WASHC2C: variants seen among roughly 807,000 people sequenced by gnomAD.
WASHC2C encodes the protein Vaccinia Penetration Factor.
A neutral mutation model predicts 142.2 loss-of-function variants in WASHC2C; 73 were observed. That is an observed-to-expected ratio of 0.51 (90% confidence interval 0.43 to 0.62). The LOEUF (loss-of-function observed/expected upper bound fraction) is 0.62. Among genes scored for constraint, WASHC2C ranks in the 20% least tolerant of loss-of-function variants. The pLI, the probability that WASHC2C is intolerant of heterozygous loss-of-function variation, is 0.00. For missense variants in WASHC2C, 969 were observed against 1,531.7 expected, an observed-to-expected ratio of 0.63 and a Z score of 6.13; for synonymous variants, 337 against 565.5, an observed-to-expected ratio of 0.60 and a Z score of 5.73.
At chr10:45,749,497 CT>C (rs2053268766) in intron 8 of WASHC2C, among the ~76,000 whole-genome samples, 1 of 151,096 alleles carries the variant, frequency 6.6e-6, no homozygotes, top group Non-Finnish European at 1.5e-5. Flanking sequence ...TAATATTCTG[CT>C]TTTTATATTC....
At chr10:45,734,288 T>A (rs1321808142) in intron 3 of WASHC2C, among the ~76,000 whole-genome samples, 3 of 151,854 alleles carry the variant, frequency 2.0e-5, no homozygotes, top group African/African-American at 7.3e-5. Context: ...TACCCCAAAT[T>A]AACCAACCAT....
chr10:45,747,844 C>T (rs542352556), intron 8 of WASHC2C, among the ~76,000 whole-genome samples: 1 of 150,796 alleles, frequency 6.6e-6, no homozygotes, highest in East Asian at 2.0e-4. Context: ...TTTGCCCTCC[C>T]AGAGTACTGG....
chr10:45,748,388 C>T (rs1446256598), intron 8 of WASHC2C, among the ~76,000 whole-genome samples: 2 of 144,382 alleles, frequency 1.4e-5, no homozygotes, highest in Non-Finnish European at 3.0e-5. Context: ...CTCCTCGGTT[C>T]AAGTGATTCT....
chr10:45,758,862 G>T (rs1554878644), intron 16 of WASHC2C, among the ~76,000 whole-genome samples: 1 of 149,360 alleles, frequency 6.7e-6, no homozygotes, highest in Non-Finnish European at 1.5e-5. Flanking sequence ...CAGTGTGTGT[G>T]TCCCCAGCAG....
At chr10:45,790,255 C>T in intron 29 of WASHC2C, 101 bp from the exon 30 acceptor site, 2 of 1,586,138 alleles carry the variant, frequency 1.3e-6, no homozygotes, top group Non-Finnish European at 1.7e-6. Context: ...GGCCGTTCCA[C>T]ACACCCTGGC....
Position 45,754,406 on chromosome 10 carries a change from A to G in WASHC2C, c.1181-80A>G, listed in dbSNP as rs1372007195. 60 of 1,604,972 alleles carry G rather than the reference A, an allele frequency of 3.7e-5. 2 individuals carry two copies. Among genetic ancestry groups the G allele is most frequent in the Non-Finnish European group, 4.9e-5 (58 of 1,175,814 alleles). On this transcript the variant is annotated intron_variant, in intron 13 of 30. Transcript: ENST00000623400. ...AGGTCTGGTACTAGCTGTGTGTTAC[A>G]TTGCACGTATTTCAGGAAGAAAATA...
chr10:45,742,851 T>TA (rs1385086767), intron 5 of WASHC2C, among the ~76,000 whole-genome samples: 1 of 151,798 alleles, frequency 6.6e-6, no homozygotes, highest in African/African-American at 2.4e-5. Flanking sequence ...TTCTGTGTGA[T>TA]ACAGCTTTAC....
At chr10:45,762,449 G>A (rs1409280621) in intron 17 of WASHC2C, among the ~76,000 whole-genome samples, 2 of 151,710 alleles carry the variant, frequency 1.3e-5, no homozygotes, top group Admixed American at 6.6e-5. Flanking sequence ...GCCTGCCCCA[G>A]CCTCCCAAAA....
intron 11 of WASHC2C, 104 bp downstream of exon 11, chr10:45,751,657 C>A: frequency 8.0e-7 from 1 of 1,249,114 alleles, no homozygotes; most frequent in Non-Finnish European, 1.1e-6. Context: ...TTCCCTCTGA[C>A]AAATGGGTCT....
chr10:45,742,792 T>C (rs1462285906), intron 5 of WASHC2C, among the ~76,000 whole-genome samples: 1 of 151,936 alleles, frequency 6.6e-6, no homozygotes, highest in Non-Finnish European at 1.5e-5. Flanking sequence ...TTTGGTAGGC[T>C]TTTGCCATTT....
chr10:45,754,275 T>G (rs1453604433), intron 13 of WASHC2C, among the ~76,000 whole-genome samples: 1 of 152,074 alleles, frequency 6.6e-6, no homozygotes, highest in African/African-American at 2.4e-5. Flanking sequence ...TCCATTTGAG[T>G]CACAGCTCAG....
At chr10:45,729,102 G>T (rs1158589078) in intron 3 of WASHC2C, 76 bp downstream of exon 3, 2 of 1,423,960 alleles carry the variant, frequency 1.4e-6, no homozygotes. Context: ...TTACTGTTAG[G>T]TTCCCTCCTA....
At position 45,727,439 on chromosome 10, in the gene WASHC2C, A is replaced by C; in HGVS notation, c.26A>C (p.Gln9Pro). 6.2e-7 allele frequency: 1 copy of C among 1,611,390 alleles called. No homozygotes were observed. The highest frequency in any genetic ancestry group is 8.5e-7 in the Non-Finnish European group (1 of 1,179,444). The change falls in exon 2 of 31, where the codon CAG becomes CCG. Residue 9 changes from glutamine (Q) to proline (P), a missense_variant. Coordinates refer to ENST00000623400, the MANE Select transcript of WASHC2C (RefSeq NM_001330074.2). ...CAGATGAACCGGACGACCCCCGACC[A>C]GGAGCTGGTGCCGGCGTCGGAGCCC... is the stretch of plus-strand genomic sequence containing the variant. Reference protein sequence around the residue: MMNRTTPDQELVPASEPVW... With the variant: MMNRTTPDPELVPASEPVW...
rs1353736995 is a variant in WASHC2C, at chr10:45,792,791, A to G, written c.*391A>G. 7 of 490,808 alleles carry G rather than the reference A, an allele frequency of 1.4e-5. No homozygotes were observed. Among genetic ancestry groups the G allele is most frequent in the African/African-American group, 7.8e-5 (4 of 51,224 alleles). The allele number at this position is 490,808 out of a possible 1,614,324, so 30.4% of individuals were successfully genotyped here. On this transcript the variant is annotated 3_prime_UTR_variant, in exon 31 of 31. Transcript: ENST00000623400. Reference sequence around the variant, plus strand: ...GGGAACCCTAACTTAGGGCTTGGGCAGGGGAAAGAGAAAGAAGATGAGAGA... The same window carrying G: ...GGGAACCCTAACTTAGGGCTTGGGCGGGGGAAAGAGAAAGAAGATGAGAGA...
chr10:45,769,541 G>A lies in WASHC2C; in HGVS notation c.1962G>A (p.Gln654=), dbSNP rs782008498. 4 of 1,611,868 alleles carry A rather than the reference G, an allele frequency of 2.5e-6. No homozygotes were observed. In the South Asian group the frequency reaches 4.4e-5, roughly 18 times the overall value. The change falls in exon 20 of 31, where the codon CAG becomes CAA. Residue 654 remains glutamine (Q), a synonymous_variant. Coordinates refer to ENST00000623400, the MANE Select transcript of WASHC2C (RefSeq NM_001330074.2). ...EPRDSGTLQS[Q]EAKAVKKTSL... ...GGGATTCTGGGACCCTCCAGAGCCA[G>A]GAGGCCAAGGCTGTGAAAAAGACCA...
intron 26 of WASHC2C, 84 bp from the exon 27 acceptor site, chr10:45,786,528 C>A: frequency 1.5e-6 from 2 of 1,364,796 alleles, no homozygotes; most frequent in Non-Finnish European, 2.1e-6. Flanking sequence ...AGTTTTGCTC[C>A]ATCACAGATT....
intron 3 of WASHC2C, among the ~76,000 whole-genome samples, chr10:45,729,878 TGTA>T (rs1428700325): frequency 6.6e-6 from 1 of 152,104 alleles, no homozygotes; most frequent in Non-Finnish European, 1.5e-5. Context: ...GAGAATGCCA[TGTA>T]GTCAACTTGT....
intron 19 of WASHC2C, among the ~76,000 whole-genome samples, chr10:45,769,213 G>A (rs1232674087): frequency 6.6e-6 from 1 of 151,104 alleles, no homozygotes; most frequent in Non-Finnish European, 1.5e-5. Context: ...TGCCTCCTGG[G>A]TTCACTCCAT....
rs570388531 is a variant in WASHC2C at position 45,783,531 on chromosome 10, G to A, written c.2479-1034G>A. Among the ~76,000 whole-genome samples, 297 of 152,000 alleles carry A rather than the reference G, an allele frequency of 2.0e-3. 1 individual carries two copies. The highest frequency in any genetic ancestry group is 3.2e-3 in the Non-Finnish European group (219 of 67,980). ...GGCTGGAGTGCAGTGGCATGATCTC[G>A]GCCCACTGCAGCCTCTGCCTCCCAG... is the stretch of plus-strand genomic sequence containing the variant. On this transcript the variant is annotated intron_variant, in intron 23 of 30. Transcript: ENST00000623400.
Sources: gnomAD v4.1 joint callset for allele counts (sites outside exome capture counted in the v4.1 genomes callset) on GRCh38, gnomAD v4.1.1 for gene constraint, MANE v1.5 for transcripts, NCBI Gene and HGNC (gene_info 2026-07-23, HGNC 2026-07-21) for gene names.